Variants in L3MBTL4 observed in about 807,000 individuals in gnomAD.
L3MBTL4 encodes L3MBTL histone methyl-lysine binding protein 4.
In L3MBTL4, 70 loss-of-function variants were observed where a neutral mutation model predicts 84.5. The ratio of observed to expected loss-of-function variants is 0.83; its 90% CI spans 0.68 to 1.01. The LOEUF (loss-of-function observed/expected upper bound fraction) is 1.01, where lower values mean the gene tolerates loss of function less well. Among genes scored for constraint, L3MBTL4 ranks in the 50% least tolerant of loss-of-function variants. The probability of loss-of-function intolerance (pLI) is 0.00; values close to 1 mark genes in which losing one functional copy is unlikely to be tolerated. For missense variants in L3MBTL4, 715 were observed against 754.8 expected (o/e 0.95, Z 0.62); for synonymous variants, 274 against 259.8 (o/e 1.05, Z -0.52).
intron 13 of L3MBTL4, among the ~76,000 whole-genome samples, chr18:6,166,150 C>A (rs568971476): frequency 6.6e-6 from 1 of 152,082 alleles, no homozygotes; most frequent in South Asian, 2.1e-4. Context: ...ATATATGCAC[C>A]CAATACAGGA....
chr18:6,240,665 A>G (rs746423306), intron 8 of L3MBTL4, among the ~76,000 whole-genome samples: 2 of 152,166 alleles, frequency 1.3e-5, no homozygotes, highest in Non-Finnish European at 2.9e-5. Flanking sequence ...CCTTCAGCAC[A>G]TTCTATTTTT....
rs536046210 is a variant in L3MBTL4 at position 6,240,736 on chromosome 18, C to T, written c.552+622G>A. On this transcript the variant is annotated intron_variant, in intron 8 of 18. Coordinates refer to ENST00000317931, the MANE Select transcript of L3MBTL4 (RefSeq NM_001330559.2). Reference sequence around the variant, plus strand: ...ATACAAATCTAGGAAACATATTTAACGATTGTATAACACTGCTTTCAAGAT... The same window carrying T: ...ATACAAATCTAGGAAACATATTTAATGATTGTATAACACTGCTTTCAAGAT... 2.0e-4 allele frequency among the ~76,000 whole-genome samples: 31 copies of T among 152,232 alleles called. No homozygotes were observed. The South Asian group carries it at 4.1e-3, about 20-fold the overall frequency.
intron 1 of L3MBTL4, among the ~76,000 whole-genome samples, chr18:6,319,719 G>A (rs116394317): frequency 0.055 from 8,397 of 152,090 alleles, 785 homozygotes; most frequent in African/African-American, 0.19. Flanking sequence ...ATTGGTGCCA[G>A]TCCTTCTGAA....
chr18:6,050,767 G>C (rs537191014), intron 16 of L3MBTL4, among the ~76,000 whole-genome samples: 1 of 152,148 alleles, frequency 6.6e-6, no homozygotes, highest in African/African-American at 2.4e-5. Context: ...TGGAGAGAGG[G>C]AGACAAAGCT....
intron 1 of L3MBTL4, among the ~76,000 whole-genome samples, chr18:6,412,146 T>A (rs2055992995): frequency 2.0e-5 from 3 of 152,084 alleles, no homozygotes; most frequent in African/African-American, 7.2e-5. Flanking sequence ...CCTCCTCCCA[T>A]CCTTCGATAG....
chr18:6,165,153 C>A (rs1311316993), intron 13 of L3MBTL4, among the ~76,000 whole-genome samples: 1 of 152,112 alleles, frequency 6.6e-6, no homozygotes, highest in Non-Finnish European at 1.5e-5. Context: ...AAGAAATGAA[C>A]AAAGCCTCCA....
At chr18:6,141,197 G>T (rs1039419812) in intron 13 of L3MBTL4, among the ~76,000 whole-genome samples, 7 of 151,920 alleles carry the variant, frequency 4.6e-5, no homozygotes, top group African/African-American at 1.7e-4. Context: ...AATTGCTGTT[G>T]TCCACTGGCT....
intron 16 of L3MBTL4, among the ~76,000 whole-genome samples, chr18:5,992,306 C>T (rs975825583): frequency 1.5e-4 from 23 of 152,160 alleles, no homozygotes; most frequent in Non-Finnish European, 3.1e-4. Flanking sequence ...GTACACATGG[C>T]GCCTGGTTAT....
chr18:6,013,443 T>C (rs2054824644), intron 16 of L3MBTL4, among the ~76,000 whole-genome samples: 1 of 152,216 alleles, frequency 6.6e-6, no homozygotes, highest in African/African-American at 2.4e-5. Flanking sequence ...TTCACTTTTC[T>C]ATGATGATGA....
intron 16 of L3MBTL4, among the ~76,000 whole-genome samples, chr18:5,980,710 G>C (rs532261728): frequency 6.6e-6 from 1 of 152,302 alleles, no homozygotes; most frequent in South Asian, 2.1e-4. Flanking sequence ...AGGATTACAA[G>C]CATGAGCCAC....
In L3MBTL4 at chr18:6,157,211, A is replaced by T. The variant is rs149645585; in HGVS notation, c.1096+14617T>A. ...TACTTAGGGACTCTTAAAACTGCTG[A>T]TTACTTGCTTGCTGTAATTTGGAAG... On this transcript the variant is annotated intron_variant, in intron 13 of 18. Transcript: ENST00000317931. Among the ~76,000 whole-genome samples, 473 of 152,338 alleles carry T rather than the reference A, an allele frequency of 3.1e-3. 2 individuals carry two copies. Among genetic ancestry groups the T allele is most frequent in the African/African-American group, 0.011 (443 of 41,576 alleles).
intron 13 of L3MBTL4, among the ~76,000 whole-genome samples, chr18:6,155,115 A>G (rs10502341): frequency 0.052 from 7,865 of 152,238 alleles, 694 homozygotes; most frequent in African/African-American, 0.18. Context: ...GAGAATGTGG[A>G]TTAGTCAAGG....
At chr18:6,008,471 C>G (rs2054588263) in intron 16 of L3MBTL4, among the ~76,000 whole-genome samples, 1 of 152,156 alleles carries the variant, frequency 6.6e-6, no homozygotes, top group African/African-American at 2.4e-5. Flanking sequence ...CCTGAGGAAG[C>G]CCTGTGAGGA....
chr18:6,141,350 G>A (rs2060188304), intron 13 of L3MBTL4, among the ~76,000 whole-genome samples: 1 of 151,972 alleles, frequency 6.6e-6, no homozygotes. Context: ...CATTTCCACG[G>A]CTTCATTTAC....
intron 16 of L3MBTL4, among the ~76,000 whole-genome samples, chr18:6,004,052 A>G (rs192880070): frequency 1.8e-3 from 270 of 152,228 alleles, no homozygotes; most frequent in Non-Finnish European, 1.2e-3. Context: ...ATAAAATAAG[A>G]GGAGAAAAAT....
chr18:5,973,246 G>C (rs1662100620), intron 16 of L3MBTL4, among the ~76,000 whole-genome samples: 1 of 152,208 alleles, frequency 6.6e-6, no homozygotes, highest in Non-Finnish European at 1.5e-5. Context: ...TGGAATGACA[G>C]TGCAGTGGCC....
chr18:6,352,058 A>G (rs2985137), intron 1 of L3MBTL4, among the ~76,000 whole-genome samples: 39,679 of 151,868 alleles, frequency 0.26, 6,543 homozygotes, highest in African/African-American at 0.47. Context: ...AGCTGCTACT[A>G]TAAGTGAATT....
chr18:6,320,880 G>C (rs2051367797), intron 1 of L3MBTL4, among the ~76,000 whole-genome samples: 1 of 151,990 alleles, frequency 6.6e-6, no homozygotes, highest in African/African-American at 2.4e-5. Context: ...GCATGGTACT[G>C]GTATAAAAAT....
chr18:6,361,855 G>C (rs575830700), intron 1 of L3MBTL4, among the ~76,000 whole-genome samples: 4 of 152,124 alleles, frequency 2.6e-5, no homozygotes, highest in African/African-American at 7.2e-5. Context: ...GCTGGGCGTG[G>C]TTGCAGTCCC....
Sources: allele counts gnomAD v4.1 joint callset (sites outside exome capture counted in the v4.1 genomes callset), GRCh38; gene constraint gnomAD v4.1.1; transcripts MANE v1.5; gene names NCBI Gene and HGNC (gene_info 2026-07-23, HGNC 2026-07-21).